The following FARP2 variants were observed in gnomAD, a reference collection of about 807,000 sequenced individuals.
FARP2 encodes FERM, ARH/RhoGEF and pleckstrin domain protein 2.
Under a neutral mutation model 130.5 loss-of-function variants are expected in FARP2, and 111 were observed. That is an observed-to-expected ratio of 0.85 (90% confidence interval 0.73 to 1.00). The LOEUF (loss-of-function observed/expected upper bound fraction) is 1.00, where lower values mean the gene tolerates loss of function less well. FARP2 is among the 50% of genes least tolerant of loss of function. The pLI is 0.00. For missense variants in FARP2, 1,385 were observed against 1,346.3 expected, an observed-to-expected ratio of 1.03 and a Z score of -0.45; for synonymous variants, 504 against 516.9, an observed-to-expected ratio of 0.98 and a Z score of 0.34.
At chr2:241,394,764 C>T (rs2061989827) in intron 2 of FARP2, among the ~76,000 whole-genome samples, 1 of 152,138 alleles carries the variant, frequency 6.6e-6, no homozygotes, top group South Asian at 2.1e-4. Context: ...TTATTGGATG[C>T]TGTGTTGAGT....
At chr2:241,418,525 A>G (rs983982812) in intron 8 of FARP2, among the ~76,000 whole-genome samples, 2 of 152,100 alleles carry the variant, frequency 1.3e-5, no homozygotes, top group African/African-American at 4.8e-5. Flanking sequence ...TCTGGGCTGG[A>G]CTGTGAGCGC....
At chr2:241,413,196 C>G in intron 6 of FARP2, 111 bp from the exon 7 acceptor site, 1 of 647,022 alleles carries the variant, frequency 1.5e-6, no homozygotes, top group Non-Finnish European at 2.6e-6. Flanking sequence ...GGGATATATT[C>G]TTTTGCTACA....
intron 1 of FARP2, among the ~76,000 whole-genome samples, chr2:241,365,110 A>G (rs979512526): frequency 2.0e-5 from 3 of 152,194 alleles, no homozygotes; most frequent in Non-Finnish European, 4.4e-5. Flanking sequence ...GAACTCTTGC[A>G]TGGGTTCCTT....
chr2:241,460,134 A>T (rs2063975500), intron 14 of FARP2, among the ~76,000 whole-genome samples: 1 of 152,186 alleles, frequency 6.6e-6, no homozygotes, highest in Non-Finnish European at 1.5e-5. Context: ...CCCAAGGCCA[A>T]CAGTTTGTGG....
chr2:241,467,211 G>A (rs189628845), intron 17 of FARP2, among the ~76,000 whole-genome samples: 33 of 152,280 alleles, frequency 2.2e-4, no homozygotes, highest in Admixed American at 1.4e-3. Context: ...AGCTATGATC[G>A]CACCACTGCA....
rs2064629470 is a variant in FARP2, at chr2:241,482,065, A to T, written c.2263-1400A>T. Among the ~76,000 whole-genome samples the T allele has an allele frequency of 6.6e-6, 1 of 152,254 alleles. No individual in the cohort carries two copies. ...TATGTGTGTCAGTCAACAGACAGAA[A>T]CCATGCCAGTTATTTGAGCAGAGGA... On this transcript the variant is annotated intron_variant, in intron 19 of 26. Transcript: ENST00000264042. This position sits in a 1 kb window ranked among gnomAD's most constrained non-coding sequence, Gnocchi z 4.6.
intron 8 of FARP2, among the ~76,000 whole-genome samples, chr2:241,427,071 C>T (rs751399466): frequency 2.6e-5 from 4 of 152,072 alleles, no homozygotes; most frequent in Non-Finnish European, 4.4e-5. Context: ...CCCATCTCTA[C>T]TAAAAATACA....
At chr2:241,383,856 C>T (rs1313136051) in intron 2 of FARP2, among the ~76,000 whole-genome samples, 7 of 151,938 alleles carry the variant, frequency 4.6e-5, no homozygotes, top group East Asian at 1.9e-4. Context: ...CATGTGGAGT[C>T]GAAGAGGCTC....
chr2:241,484,276 T>A lies in FARP2; in HGVS notation c.2366T>A (p.Val789Asp), dbSNP rs763271136. ...ATGTTGCTGTACACAAGCAAAGGAG[T>A]TGCAGGGACCAGCCACTTCCGGATC... ...SDMLLYTSKGVAGTSHFRIRG... is the reference protein window; with the variant it reads ...SDMLLYTSKGDAGTSHFRIRG... The change falls in exon 21 of 27, where the codon GTT becomes GAT. Residue 789 changes from valine to aspartate, a missense_variant. Val to Asp is a radical substitution (Grantham distance 152). Coordinates refer to ENST00000264042, the MANE Select transcript of FARP2 (RefSeq NM_014808.4). The A allele has an allele frequency of 6.2e-7, 1 of 1,614,032 alleles. No individual in the cohort carries two copies. The highest frequency in any genetic ancestry group is 8.5e-7 in the Non-Finnish European group (1 of 1,179,978).
intron 2 of FARP2, chr2:241,387,365 C>T (rs1016876375): frequency 6.6e-6 from 1 of 152,110 alleles, no homozygotes; most frequent in Non-Finnish European, 1.5e-5. Flanking sequence ...GTTTAACATA[C>T]CTGTCTCTCT....
rs533905178 is a variant in FARP2, at chr2:241,494,364, C to T, written c.*239C>T. 10 of 322,206 alleles carry T rather than the reference C, an allele frequency of 3.1e-5. No individual in the cohort carries two copies. The South Asian group carries it at 4.2e-4, about 14-fold the overall frequency. 20.0% of individuals were successfully genotyped at this position (322,206 alleles called of 1,614,324 possible). ...GGGAAAAATGTGCGAGTCTTGAGCG[C>T]GGAGCCGCTCAAGCCACAGCTCCCA... On this transcript the variant is annotated 3_prime_UTR_variant, in exon 27 of 27. Coordinates refer to ENST00000264042, the MANE Select transcript of FARP2 (RefSeq NM_014808.4). The surrounding 1 kb of genome is among the most constrained non-coding windows in gnomAD (Gnocchi z 4.9).
chr2:241,481,056 CAAAAAAAAAAA>C (rs34996407), intron 19 of FARP2, among the ~76,000 whole-genome samples: 72 of 105,162 alleles, frequency 6.8e-4, no homozygotes, highest in Non-Finnish European at 9.8e-4. Context: ...TTGTCTCTAC[CAAAAAAAAAAA>C]AAAAAAAAAA....
intron 21 of FARP2, among the ~76,000 whole-genome samples, chr2:241,487,768 G>A (rs201167253): frequency 8.4e-4 from 3 of 3,556 alleles, no homozygotes; most frequent in Non-Finnish European, 1.9e-3. Flanking sequence ...TTTTTTTTTT[G>A]AGATGGAATC....
At chr2:241,443,762 T>C (rs1233318124) in intron 13 of FARP2, 1 of 152,262 alleles carries the variant, frequency 6.6e-6, no homozygotes, top group African/African-American at 2.4e-5. Context: ...CAGATAGGGT[T>C]GGGGTTTTTG....
At chr2:241,447,011 A>T (rs570085246) in intron 13 of FARP2, 1 of 152,188 alleles carries the variant, frequency 6.6e-6, no homozygotes, top group Non-Finnish European at 1.5e-5. Context: ...TTAAAGAGAC[A>T]TTTTTGTTGT....
At chr2:241,358,825 G>A (rs2061122279) in intron 1 of FARP2, among the ~76,000 whole-genome samples, 1 of 152,196 alleles carries the variant, frequency 6.6e-6, no homozygotes, top group African/African-American at 2.4e-5. Flanking sequence ...ATCCTACAAA[G>A]CAATATGATA....
At chr2:241,378,824 T>A (rs1401400835) in intron 2 of FARP2, among the ~76,000 whole-genome samples, 1 of 152,230 alleles carries the variant, frequency 6.6e-6, no homozygotes, top group Non-Finnish European at 1.5e-5. Flanking sequence ...AAGCCACTTT[T>A]GGCATTTATT....
intron 13 of FARP2, among the ~76,000 whole-genome samples, chr2:241,453,494 A>T (rs567676549): frequency 1.3e-4 from 20 of 148,268 alleles, no homozygotes; most frequent in South Asian, 4.3e-4. Flanking sequence ...TGGTGGTGGG[A>T]GCCTGTAGTC....
At position 241,491,174 on chromosome 2, in the gene FARP2, C is replaced by T; in HGVS notation, c.2618C>T (p.Pro873Leu). The stretch of plus-strand genomic sequence containing the variant: ...CCAGGCCGCACTGTGTGCACTCGTC[C>T]CCCCAGTGAGTGCTGGCCACAACCC... ...ALPGRTVCTR[P>L]PRSPNEVSLE... is the part of the protein sequence containing the mutation. The change falls in exon 23 of 27, where the codon CCC (proline) becomes CTC (leucine). Residue 873 changes from proline (P) to leucine (L), a missense_variant. Pro to Leu is a moderately conservative substitution (Grantham distance 98). Coordinates refer to ENST00000264042, the MANE Select transcript of FARP2 (RefSeq NM_014808.4). 1 of 1,607,530 alleles carries T rather than the reference C, an allele frequency of 6.2e-7. No individual in the cohort carries two copies. Among genetic ancestry groups the T allele is most frequent in the Non-Finnish European group, 8.5e-7 (1 of 1,174,650 alleles).
Sources: gnomAD v4.1 joint callset for allele counts (sites outside exome capture counted in the v4.1 genomes callset) on GRCh38, gnomAD v4.1.1 for gene constraint, Gnocchi (gnomAD v3.1) non-coding constraint, MANE v1.5 for transcripts, NCBI Gene and HGNC (gene_info 2026-07-23, HGNC 2026-07-21) for gene names.